Variants in BARD1 observed in about 807,000 individuals in gnomAD.
BARD1 encodes the protein BRCA1 associated RING domain 1.
A neutral mutation model predicts 77.0 loss-of-function variants in BARD1; 73 were observed. The observed-to-expected ratio is 0.95, with a 90% CI of 0.79 to 1.15. BARD1 has a LOEUF of 1.15. Ranked by LOEUF, BARD1 falls within the 50% of genes most tolerant of loss-of-function variation. BARD1 has a pLI of 0.00. For missense variants in BARD1, 993 were observed against 938.8 expected, an observed-to-expected ratio of 1.06 and a Z score of -0.75; for synonymous variants, 384 against 338.0, an observed-to-expected ratio of 1.14 and a Z score of -1.49.
intron 1 of BARD1, among the ~76,000 whole-genome samples, chr2:214,806,000 T>A (rs900284868): frequency 6.6e-6 from 1 of 152,220 alleles, no homozygotes. Flanking sequence ...ACATTATTAC[T>A]GTGCTTTCTG....
intron 3 of BARD1, among the ~76,000 whole-genome samples, chr2:214,783,111 C>T (rs900111344): frequency 6.6e-6 from 1 of 152,172 alleles, no homozygotes; most frequent in Non-Finnish European, 1.5e-5. Flanking sequence ...TTCCTGTACT[C>T]ACTCCTGGAG....
At chr2:214,772,932 G>A (rs1271806808) in intron 4 of BARD1, among the ~76,000 whole-genome samples, 1 of 152,164 alleles carries the variant, frequency 6.6e-6, no homozygotes, top group Non-Finnish European at 1.5e-5. Flanking sequence ...CAACTTGAAA[G>A]AATAATTGAA....
intron 6 of BARD1, among the ~76,000 whole-genome samples, chr2:214,765,151 A>G (rs1372256114): frequency 6.6e-6 from 1 of 152,220 alleles, no homozygotes; most frequent in Non-Finnish European, 1.5e-5. Flanking sequence ...AAAGGTGACT[A>G]GTGGCTACTG....
In BARD1 at chr2:214,728,738, C is replaced by A. The variant is rs863224672; in HGVS notation, c.2272G>T (p.Ala758Ser). The change falls in exon 11 of 11, where the codon GCT becomes TCT. Residue 758 changes from alanine to serine, a missense_variant. Transcript: ENST00000260947. ...ERVRQGKVWKAPSSWFIDCVM... is the reference protein window; with the variant it reads ...ERVRQGKVWKSPSSWFIDCVM... ...CAGTCTATAAACCAGCTCGAAGGAG[C>A]CTTCCAGACTTTGCCCTGCCGAACC... 1.2e-6 allele frequency: 2 copies of A among 1,614,046 alleles called. No individual in the cohort carries two copies. The highest frequency in any genetic ancestry group is 4.5e-5 in the East Asian group (2 of 44,902).
chr2:214,769,856 C>T (rs1313694840), intron 4 of BARD1, among the ~76,000 whole-genome samples: 1 of 152,170 alleles, frequency 6.6e-6, no homozygotes, highest in Non-Finnish European at 1.5e-5. Flanking sequence ...ATTCAAAATT[C>T]ATTTCAGGTA....
chr2:214,730,308 A>G (rs1692291910), intron 10 of BARD1, 103 bp downstream of exon 10: 2 of 966,404 alleles, frequency 2.1e-6, no homozygotes, highest in Non-Finnish European at 3.3e-6. Flanking sequence ...TAAAATTTTA[A>G]TCAGTCACCT....
Position 214,728,503 on chromosome 2 carries a change from TA to T in BARD1, c.*172del, listed in dbSNP as rs1692178334. ...AAAAGCAATCCCAGCTTCTAAATGG[TA>T]AACATAACATGAATTCCTAATCTGG... On this transcript the variant is annotated 3_prime_UTR_variant, in exon 11 of 11. Coordinates refer to ENST00000260947, the MANE Select transcript of BARD1 (RefSeq NM_000465.4). The T allele has an allele frequency of 3.0e-6, 2 of 673,756 alleles. No homozygotes were observed. The highest frequency in any genetic ancestry group is 3.0e-5 in the Admixed American group (1 of 33,150). 41.7% of individuals were successfully genotyped at this position (673,756 alleles called of 1,614,324 possible).
At chr2:214,768,218 T>A (rs1181921198) in intron 5 of BARD1, among the ~76,000 whole-genome samples, 2 of 152,166 alleles carry the variant, frequency 1.3e-5, no homozygotes, top group African/African-American at 2.4e-5. Flanking sequence ...ATGCCTTACA[T>A]CCAAATCTTT....
intron 1 of BARD1, among the ~76,000 whole-genome samples, chr2:214,807,486 GAC>G (rs1355971461): frequency 1.3e-5 from 2 of 152,150 alleles, no homozygotes; most frequent in Non-Finnish European, 2.9e-5. Flanking sequence ...TTTAGATTAA[GAC>G]ACACATTATT....
At position 214,790,628 on chromosome 2, in the gene BARD1, T is replaced by A. The variant is rs113100621; in HGVS notation, c.364+1669A>T. Among the ~76,000 whole-genome samples the A allele has an allele frequency of 1.3e-3, 197 of 152,282 alleles. 2 individuals are homozygous for A. The highest frequency in any genetic ancestry group is 4.3e-3 in the African/African-American group (178 of 41,570). On this transcript the variant is annotated intron_variant, in intron 3 of 10. Coordinates refer to ENST00000260947, the MANE Select transcript of BARD1 (RefSeq NM_000465.4). ...AGCCACTCAGTTTGTGATACTTTGT[T>A]ACAGCAGTTCTAGCAAATGAATACA...
rs746790711 is a variant in BARD1, at chr2:214,728,981, A to G, written c.2029T>C (p.Phe677Leu). ...TGTTTGAAGGTTCCCCACAAATAGA[A>G]GTAGCATCCATCAAACAGCTTTGGC... is the stretch of plus-strand genomic sequence containing the variant. ...LLPKLFDGCY[F>L]YLWGTFKHHP... Residue 677 changes from phenylalanine (F) to leucine (L), a missense_variant, in exon 11 of 11, where the codon TTC (phenylalanine) becomes CTC (leucine). Phe to Leu is a conservative substitution (Grantham distance 22, BLOSUM62 0). Coordinates refer to ENST00000260947, the MANE Select transcript of BARD1 (RefSeq NM_000465.4). 10 of 1,614,192 alleles carry G rather than the reference A, an allele frequency of 6.2e-6. No individual in the cohort carries two copies. The South Asian group carries it at 1.1e-4, about 18-fold the overall frequency.
intron 3 of BARD1, among the ~76,000 whole-genome samples, chr2:214,782,023 T>C (rs1695065129): frequency 6.6e-6 from 1 of 152,082 alleles, no homozygotes; most frequent in Non-Finnish European, 1.5e-5. Flanking sequence ...AAAGGTACAA[T>C]TTGAAAGGCA....
At chr2:214,794,123 T>C (rs2734675) in intron 2 of BARD1, among the ~76,000 whole-genome samples, 112,912 of 151,916 alleles carry the variant, frequency 0.74, 42,158 homozygotes, top group East Asian at 0.79. Context: ...CGTGGTGGGG[T>C]GCACCTGTAG....
chr2:214,781,558 C>T, intron 3 of BARD1, 49 bp from the exon 4 acceptor site: 3 of 1,480,188 alleles, frequency 2.0e-6, no homozygotes, highest in Non-Finnish European at 2.8e-6. Flanking sequence ...TTTATTGCTC[C>T]CACATGGAGC....
chr2:214,801,849 CGGG>C lies in BARD1; in HGVS notation c.159-4735_159-4733del, dbSNP rs11457040. Among the ~76,000 whole-genome samples the C allele has an allele frequency of 9.1e-4, 103 of 113,788 alleles. 2 individuals are homozygous for C. The highest frequency in any genetic ancestry group is 1.2e-3 in the Non-Finnish European group (67 of 56,900). 74.6% of individuals were successfully genotyped at this position (113,788 alleles called of 152,430 possible). A position where few individuals can be genotyped will look rare whatever the true frequency, so the allele number is the denominator to read the frequency against. On this transcript the variant is annotated intron_variant, in intron 1 of 10. Transcript: ENST00000260947. ...TCAATGTTGAAAACCAAATATTTGG[CGGG>C]GGGGGGGGTTGTTTTTGTTTTTTTT...
chr2:214,785,021 TA>T (rs10711790), intron 3 of BARD1, among the ~76,000 whole-genome samples: 132,486 of 146,206 alleles, frequency 0.91, 60,184 homozygotes, highest in East Asian at 1. Flanking sequence ...AAATTATAGT[TA>T]AAAAAAAAAA....
In BARD1 at chr2:214,780,689, T is replaced by C. The variant is rs1553622202; in HGVS notation, c.1185A>G (p.Pro395=). Residue 395 remains proline, a synonymous_variant, in exon 4 of 11, where the codon CCA becomes CCG. Coordinates refer to ENST00000260947, the MANE Select transcript of BARD1 (RefSeq NM_000465.4). Reference sequence around the variant, plus strand: ...AACTTGAACTACTTAATGTAGAAGGTGGTGTACCTGGTGAAAGACTAATGA... The same window carrying C: ...AACTTGAACTACTTAATGTAGAAGGCGGTGTACCTGGTGAAAGACTAATGA... ...DEFISLSPGT[P]PSTLSSSSYR... 1 of 1,614,136 alleles carries C rather than the reference T, an allele frequency of 6.2e-7. No individual in the cohort carries two copies. Among genetic ancestry groups the C allele is most frequent in the Non-Finnish European group, 8.5e-7 (1 of 1,180,008 alleles).
chr2:214,751,151 A>ATATATATTTTTTTTT (rs1693429141), intron 7 of BARD1, among the ~76,000 whole-genome samples: 1 of 37,188 alleles, frequency 2.7e-5, no homozygotes, highest in Non-Finnish European at 4.6e-5. Context: ...ATATATATAT[A>ATATATATTTTTTTTT]TTTTTTTTTT....
intron 6 of BARD1, among the ~76,000 whole-genome samples, chr2:214,755,833 T>C (rs1437572835): frequency 1.3e-5 from 2 of 152,210 alleles, no homozygotes; most frequent in African/African-American, 4.8e-5. Flanking sequence ...AAGGCACATG[T>C]GTCTACTAGC....
Sources: allele counts gnomAD v4.1 joint callset (sites outside exome capture counted in the v4.1 genomes callset), GRCh38; gene constraint gnomAD v4.1.1; transcripts MANE v1.5; gene names NCBI Gene and HGNC (gene_info 2026-07-23, HGNC 2026-07-21).